Variants in OCA2 observed in about 807,000 individuals in gnomAD.
OCA2 encodes the protein OCA2 melanosomal transmembrane protein.
In OCA2, 77 loss-of-function variants were observed where a neutral mutation model predicts 100.2. That is an observed-to-expected ratio of 0.77 (90% CI 0.64 to 0.93). The LOEUF is 0.93. Ranked by LOEUF, OCA2 falls within the 40% of genes least tolerant of loss-of-function variation. OCA2 has a pLI of 0.00. For missense variants in OCA2, 1,062 were observed against 1,089.1 expected, an observed-to-expected ratio of 0.98 and a Z score of 0.35; for synonymous variants, 432 against 439.2, an observed-to-expected ratio of 0.98 and a Z score of 0.21.
chr15:27,998,071 G>A (rs1490364223), intron 9 of OCA2, among the ~76,000 whole-genome samples: 1 of 148,082 alleles, frequency 6.8e-6, no homozygotes, highest in East Asian at 2.0e-4. Context: ...TGACTTAAAC[G>A]TTAGACCTAA....
intron 18 of OCA2, among the ~76,000 whole-genome samples, chr15:27,942,990 CTGTA>C (rs2039704060): frequency 6.6e-6 from 1 of 152,246 alleles, no homozygotes; most frequent in South Asian, 2.1e-4. Flanking sequence ...TTAACACAAA[CTGTA>C]TGTAATAACT....
intron 15 of OCA2, among the ~76,000 whole-genome samples, chr15:27,959,461 G>A (rs1431555188): frequency 6.6e-6 from 1 of 152,198 alleles, no homozygotes; most frequent in African/African-American, 2.4e-5. Context: ...TGTAAGTTCA[G>A]ACAGAGCCAG....
chr15:27,864,254 G>A (rs1222588223), intron 21 of OCA2, among the ~76,000 whole-genome samples: 1 of 152,144 alleles, frequency 6.6e-6, no homozygotes, highest in East Asian at 1.9e-4. Context: ...TTGCACAATG[G>A]CAGAGTTGGG....
intron 21 of OCA2, among the ~76,000 whole-genome samples, 179 bp from the exon 22 acceptor site, chr15:27,851,654 C>A (rs946393182): frequency 6.6e-6 from 1 of 152,234 alleles, no homozygotes; most frequent in Non-Finnish European, 1.5e-5. Flanking sequence ...TTGAACTCAT[C>A]TGTATGTCTT....
At chr15:27,748,991 A>T in the OCA2 span, among the ~76,000 whole-genome samples, 1 of 152,216 alleles carries the variant, frequency 6.6e-6, no homozygotes, top group African/African-American at 2.4e-5. Context: ...TAAGACTGTA[A>T]TTCAACATTT....
the OCA2 span, among the ~76,000 whole-genome samples, chr15:27,734,224 C>G: frequency 7.2e-6 from 1 of 138,700 alleles, no homozygotes; most frequent in Non-Finnish European, 1.5e-5. Flanking sequence ...CAATCACTCT[C>G]CAGTGATTGC....
At chr15:27,841,793 T>C (rs1000009450) in intron 23 of OCA2, among the ~76,000 whole-genome samples, 1 of 152,226 alleles carries the variant, frequency 6.6e-6, no homozygotes, top group African/African-American at 2.4e-5. Flanking sequence ...TCAGTGTTTA[T>C]ACAGAAAGAG....
At chr15:27,889,424 C>A (rs2037364551) in intron 19 of OCA2, among the ~76,000 whole-genome samples, 1 of 152,186 alleles carries the variant, frequency 6.6e-6, no homozygotes, top group Admixed American at 6.5e-5. Flanking sequence ...GTCATCCTGT[C>A]TGGACATGAA....
At chr15:27,790,185 T>C (rs1190450505) in intron 23 of OCA2, among the ~76,000 whole-genome samples, 1 of 151,978 alleles carries the variant, frequency 6.6e-6, no homozygotes, top group Non-Finnish European at 1.5e-5. Context: ...ATTAGTAAAA[T>C]ATAAATCAAA....
intron 9 of OCA2, among the ~76,000 whole-genome samples, chr15:28,010,489 GAAGT>G (rs145081643): frequency 0.014 from 2,056 of 152,220 alleles, 43 homozygotes; most frequent in African/African-American, 0.047. Flanking sequence ...AAAACTCTGA[GAAGT>G]AATAGGTAAA....
chr15:28,012,695 A>G (rs1357349872), intron 9 of OCA2, among the ~76,000 whole-genome samples: 2 of 152,264 alleles, frequency 1.3e-5, no homozygotes, highest in Non-Finnish European at 2.9e-5. Context: ...ATGAAAATAA[A>G]TCTTTGCAAA....
intron 23 of OCA2, among the ~76,000 whole-genome samples, chr15:27,806,454 C>T (rs557708378): frequency 6.6e-6 from 1 of 152,282 alleles, no homozygotes; most frequent in East Asian, 1.9e-4. Context: ...GGAATTCAGA[C>T]GTGAGCATAG....
intron 2 of OCA2, among the ~76,000 whole-genome samples, chr15:28,042,784 A>G (rs2043243685): frequency 6.6e-6 from 1 of 152,194 alleles, no homozygotes; most frequent in South Asian, 2.1e-4. Context: ...TATATTATAT[A>G]TTAATAGTAG....
chr15:28,014,767 G>T lies in OCA2; in HGVS notation c.1044+9C>A, dbSNP rs1247065334. ...CCAGACAGATCGGGGGAGCAGGTGT[G>T]AAAGTTACCTCAAATATGATCAGCG... On this transcript the variant is annotated intron_variant, in intron 9 of 23. Coordinates refer to ENST00000354638, the MANE Select transcript of OCA2 (RefSeq NM_000275.3). The T allele has an allele frequency of 6.2e-7, 1 of 1,611,594 alleles. No individual in the cohort carries two copies. Among genetic ancestry groups the T allele is most frequent in the African/African-American group, 1.3e-5 (1 of 74,900 alleles).
At chr15:28,064,851 TG>T (rs975184452) in intron 2 of OCA2, among the ~76,000 whole-genome samples, 2 of 142,556 alleles carry the variant, frequency 1.4e-5, no homozygotes, top group African/African-American at 2.8e-5. Flanking sequence ...TTGTATGTCT[TG>T]GGGTTTTTTT....
intron 15 of OCA2, among the ~76,000 whole-genome samples, chr15:27,959,540 C>A (rs1292623253): frequency 2.0e-5 from 3 of 152,246 alleles, no homozygotes; most frequent in African/African-American, 7.2e-5. Flanking sequence ...TCCAGCCATT[C>A]TCTAAAGGCA....
At chr15:27,889,369 G>C (rs2037361999) in intron 19 of OCA2, among the ~76,000 whole-genome samples, 1 of 152,176 alleles carries the variant, frequency 6.6e-6, no homozygotes, top group Admixed American at 6.5e-5. Context: ...CTGCAGCTCA[G>C]GTGGTGGTAC....
chr15:27,945,234 C>T (rs2039790556), intron 18 of OCA2, among the ~76,000 whole-genome samples: 1 of 152,186 alleles, frequency 6.6e-6, no homozygotes, highest in African/African-American at 2.4e-5. Context: ...GGCCACATCT[C>T]ACCACTTGTT....
At chr15:27,952,692 AT>A (rs1267668666) in intron 17 of OCA2, among the ~76,000 whole-genome samples, 1 of 145,894 alleles carries the variant, frequency 6.9e-6, no homozygotes, top group African/African-American at 2.6e-5. Context: ...TTTCATTTTC[AT>A]TTTTTGAGAC....
Sources: allele counts gnomAD v4.1 joint callset (sites outside exome capture counted in the v4.1 genomes callset), GRCh38; gene constraint gnomAD v4.1.1; transcripts MANE v1.5; gene names NCBI Gene and HGNC (gene_info 2026-07-23, HGNC 2026-07-21).